ZMAT4: variants seen among roughly 807,000 people sequenced by gnomAD.
The protein encoded by ZMAT4 is zinc finger matrin-type 4, also known as zinc finger matrin-type protein 4.
ZMAT4 carries 17 observed loss-of-function variants against 28.7 expected under a neutral mutation model. That is an observed-to-expected ratio of 0.59 (90% confidence interval 0.41 to 0.89). The LOEUF (loss-of-function observed/expected upper bound fraction) is 0.89, where lower values mean the gene tolerates loss of function less well. ZMAT4 is among the 40% of genes least tolerant of loss of function. The probability of loss-of-function intolerance (pLI) is 0.00; values close to 1 mark genes in which losing one functional copy is unlikely to be tolerated. For missense variants in ZMAT4, 240 were observed against 283.8 expected (o/e 0.85, Z 1.11); for synonymous variants, 117 against 109.2 (o/e 1.07, Z -0.44).
At chr8:40,800,428 G>A (rs1049617366) in intron 2 of ZMAT4, among the ~76,000 whole-genome samples, 2 of 152,034 alleles carry the variant, frequency 1.3e-5, no homozygotes, top group African/African-American at 2.4e-5. Flanking sequence ...TCCAACAACA[G>A]CAGAATACAC....
intron 5 of ZMAT4, among the ~76,000 whole-genome samples, chr8:40,637,104 A>C (rs1806821022): frequency 6.6e-6 from 1 of 151,778 alleles, no homozygotes; most frequent in Admixed American, 6.6e-5. Context: ...AAAAAAAAAA[A>C]AACTCTGTGA....
At chr8:40,542,224 G>A (rs1477037216) in intron 6 of ZMAT4, among the ~76,000 whole-genome samples, 1 of 152,140 alleles carries the variant, frequency 6.6e-6, no homozygotes, top group African/African-American at 2.4e-5. Flanking sequence ...ATGCCAGGCT[G>A]AGATGGAGAA....
chr8:40,604,482 T>A (rs1053978728), intron 5 of ZMAT4, among the ~76,000 whole-genome samples: 5 of 152,246 alleles, frequency 3.3e-5, no homozygotes, highest in African/African-American at 7.2e-5. Flanking sequence ...GATGATCATA[T>A]GATTTTTGTT....
intron 2 of ZMAT4, among the ~76,000 whole-genome samples, chr8:40,819,289 T>C (rs924501121): frequency 5.9e-5 from 9 of 152,228 alleles, no homozygotes; most frequent in Admixed American, 2.6e-4. Flanking sequence ...ACTTTCCCAC[T>C]GGCTTGAAGA....
At chr8:40,611,322 A>G (rs1805786581) in intron 5 of ZMAT4, among the ~76,000 whole-genome samples, 1 of 151,712 alleles carries the variant, frequency 6.6e-6, no homozygotes, top group African/African-American at 2.4e-5. Context: ...ACTTTTACAT[A>G]TTATCTGTAG....
chr8:40,591,509 C>T (rs1804892056), intron 5 of ZMAT4, among the ~76,000 whole-genome samples: 1 of 152,168 alleles, frequency 6.6e-6, no homozygotes, highest in South Asian at 2.1e-4. Flanking sequence ...CCAGTTTGTC[C>T]TCCTGGGCTC....
At chr8:40,773,206 T>TG (rs1437339206) in intron 2 of ZMAT4, among the ~76,000 whole-genome samples, 3 of 152,190 alleles carry the variant, frequency 2.0e-5, no homozygotes, top group Non-Finnish European at 2.9e-5. Flanking sequence ...CTAGAATGAA[T>TG]GATGGGTCAA....
intron 3 of ZMAT4, among the ~76,000 whole-genome samples, chr8:40,723,670 C>G (rs1413663289): frequency 6.6e-6 from 1 of 151,632 alleles, no homozygotes; most frequent in East Asian, 1.9e-4. Context: ...GGAATCTAAC[C>G]AGATTTTATA....
At chr8:40,808,388 G>GAA (rs904641983) in intron 2 of ZMAT4, 15 of 288,000 alleles carry the variant, frequency 5.2e-5, no homozygotes, top group Admixed American at 1.4e-4. Context: ...GGTGAATTTG[G>GAA]AAAAAAAAAA....
chr8:40,614,702 T>C (rs992935438), intron 5 of ZMAT4, among the ~76,000 whole-genome samples: 5 of 152,226 alleles, frequency 3.3e-5, no homozygotes, highest in African/African-American at 4.8e-5. Context: ...TCTCTTTTGA[T>C]CTTTGTTTGT....
At chr8:40,783,819 C>A (rs1246354642) in intron 2 of ZMAT4, among the ~76,000 whole-genome samples, 4 of 151,764 alleles carry the variant, frequency 2.6e-5, no homozygotes, top group African/African-American at 9.7e-5. Flanking sequence ...GAGACCAGCC[C>A]GGCCAACATG....
In ZMAT4 at chr8:40,659,455, A is replaced by G. The variant is rs541469128; in HGVS notation, c.577+15249T>C. On this transcript the variant is annotated intron_variant, in intron 5 of 6. Coordinates refer to ENST00000297737, the MANE Select transcript of ZMAT4 (RefSeq NM_024645.3). ...TAATAAAAAGCTCTTTGCTATGAAC[A>G]TATAGCTGCCTTGAGTCCTTGCATT... Among the ~76,000 whole-genome samples the G allele has an allele frequency of 2.6e-5, 4 of 152,302 alleles. No homozygotes were observed. The East Asian group carries it at 7.7e-4, about 29-fold the overall frequency.
chr8:40,830,046 T>C (rs139490532), intron 1 of ZMAT4, among the ~76,000 whole-genome samples: 2 of 152,164 alleles, frequency 1.3e-5, no homozygotes, highest in Non-Finnish European at 2.9e-5. Flanking sequence ...GCGCAAGAAA[T>C]GGCCTTTTTC....
At chr8:40,765,936 C>A (rs983714689) in intron 3 of ZMAT4, among the ~76,000 whole-genome samples, 6 of 152,182 alleles carry the variant, frequency 3.9e-5, no homozygotes, top group Admixed American at 3.3e-4. Context: ...CTAATAGATA[C>A]TCTCCCAATG....
intron 1 of ZMAT4, among the ~76,000 whole-genome samples, chr8:40,872,404 C>T (rs1013086335): frequency 3.9e-5 from 6 of 152,206 alleles, no homozygotes; most frequent in Admixed American, 6.5e-5. Flanking sequence ...AACAGTGACT[C>T]CCCCTCCCTG....
chr8:40,814,497 G>A (rs1304799650), intron 2 of ZMAT4, among the ~76,000 whole-genome samples: 1 of 152,168 alleles, frequency 6.6e-6, no homozygotes, highest in Non-Finnish European at 1.5e-5. Context: ...CACTACACAA[G>A]TATTCACAAG....
At chr8:40,863,355 G>A (rs1817570340) in intron 1 of ZMAT4, among the ~76,000 whole-genome samples, 1 of 152,194 alleles carries the variant, frequency 6.6e-6, no homozygotes, top group Non-Finnish European at 1.5e-5. Flanking sequence ...CAGAAATGGA[G>A]GAGAATTTGG....
intron 1 of ZMAT4, among the ~76,000 whole-genome samples, chr8:40,886,571 G>A (rs1322587619): frequency 6.6e-6 from 1 of 152,194 alleles, no homozygotes; most frequent in Admixed American, 6.5e-5. Flanking sequence ...ACAGTGGGCA[G>A]GCAGCCTTAG....
chr8:40,615,402 T>C (rs1400553020), intron 5 of ZMAT4, among the ~76,000 whole-genome samples: 1 of 152,172 alleles, frequency 6.6e-6, no homozygotes, highest in Non-Finnish European at 1.5e-5. Context: ...CAATTATGTG[T>C]CTTGGAGTTG....
Sources: gnomAD v4.1 joint callset for allele counts (sites outside exome capture counted in the v4.1 genomes callset) on GRCh38, gnomAD v4.1.1 for gene constraint, MANE v1.5 for transcripts, NCBI Gene and HGNC (gene_info 2026-07-23, HGNC 2026-07-21) for gene names.